Variants in VAT1L observed in about 807,000 individuals in gnomAD.
VAT1L encodes vesicle amine transport 1 like.
In VAT1L, 34 loss-of-function variants were observed where a neutral mutation model predicts 44.1. The ratio of observed to expected loss-of-function variants is 0.77; its 90% CI spans 0.59 to 1.03. The LOEUF (loss-of-function observed/expected upper bound fraction) is 1.03. Among genes scored for constraint, VAT1L ranks in the 50% least tolerant of loss-of-function variants. VAT1L has a pLI of 0.00. For synonymous variants in VAT1L, 253 were observed against 202.2 expected, an observed-to-expected ratio of 1.25 and a Z score of -2.13; for missense variants, 615 against 538.8, an observed-to-expected ratio of 1.14 and a Z score of -1.40.
At chr16:77,813,095 T>G (rs1217326349) in intron 1 of VAT1L, among the ~76,000 whole-genome samples, 1 of 152,040 alleles carries the variant, frequency 6.6e-6, no homozygotes, top group Admixed American at 6.6e-5. Flanking sequence ...AGAATCAGAT[T>G]ACCTTAGAGA....
chr16:77,923,214 G>A (rs1049137364), intron 7 of VAT1L, among the ~76,000 whole-genome samples: 3 of 152,188 alleles, frequency 2.0e-5, no homozygotes, highest in African/African-American at 7.2e-5. Context: ...ATATTGAGAG[G>A]CCAAGGTGGG....
intron 3 of VAT1L, among the ~76,000 whole-genome samples, chr16:77,830,728 G>A (rs2016569892): frequency 6.6e-6 from 1 of 152,166 alleles, no homozygotes; most frequent in South Asian, 2.1e-4. Flanking sequence ...CACTCTCTCA[G>A]GCTGGAGGGC....
At chr16:77,902,968 G>A (rs1316780477) in intron 7 of VAT1L, among the ~76,000 whole-genome samples, 3 of 99,688 alleles carry the variant, frequency 3.0e-5, no homozygotes, top group Admixed American at 1.1e-4. Context: ...GGGAGACTCT[G>A]TCTGAAAAAA....
intron 7 of VAT1L, among the ~76,000 whole-genome samples, chr16:77,904,742 A>G (rs1195137203): frequency 6.6e-6 from 1 of 152,266 alleles, no homozygotes; most frequent in Non-Finnish European, 1.5e-5. Flanking sequence ...TCTAACTAAT[A>G]TAAGAACTTT....
At chr16:77,935,885 T>G (rs1381961355) in intron 7 of VAT1L, among the ~76,000 whole-genome samples, 1 of 152,196 alleles carries the variant, frequency 6.6e-6, no homozygotes, top group Non-Finnish European at 1.5e-5. Flanking sequence ...TATTGGGAAT[T>G]CTGGTGTGAT....
chr16:77,852,058 G>C (rs1275885727), intron 3 of VAT1L, among the ~76,000 whole-genome samples: 1 of 152,070 alleles, frequency 6.6e-6, no homozygotes, highest in Non-Finnish European at 1.5e-5. Context: ...TGAAAGCGGG[G>C]ATCTCCCACA....
At chr16:77,944,957 C>A (rs75386632) in intron 7 of VAT1L, among the ~76,000 whole-genome samples, 10 of 152,302 alleles carry the variant, frequency 6.6e-5, no homozygotes, top group African/African-American at 2.4e-4. Flanking sequence ...TCCAAGCTGT[C>A]TTCATCCATG....
intron 7 of VAT1L, among the ~76,000 whole-genome samples, chr16:77,951,840 T>TAAA (rs11415182): frequency 1.4e-5 from 2 of 146,034 alleles, no homozygotes; most frequent in African/African-American, 5.1e-5. Context: ...AGTTTAAAAT[T>TAAA]AAAAAAAAAA....
intron 3 of VAT1L, among the ~76,000 whole-genome samples, chr16:77,850,926 A>C (rs939981515): frequency 6.6e-6 from 1 of 152,158 alleles, no homozygotes; most frequent in African/African-American, 2.4e-5. Flanking sequence ...ACTCTCAAAC[A>C]GTGTGTCAGT....
At chr16:77,807,741 A>C (rs2016189327) in intron 1 of VAT1L, among the ~76,000 whole-genome samples, 1 of 152,104 alleles carries the variant, frequency 6.6e-6, no homozygotes, top group Non-Finnish European at 1.5e-5. Context: ...TCTGTTTTAC[A>C]TATACTGTCA....
chr16:77,794,530 G>A (rs2015893401), intron 1 of VAT1L, among the ~76,000 whole-genome samples: 1 of 152,208 alleles, frequency 6.6e-6, no homozygotes, highest in African/African-American at 2.4e-5. Flanking sequence ...GGCAAACCAA[G>A]TATAAGTTAT....
chr16:77,890,775 T>C (rs1230678844), intron 7 of VAT1L, among the ~76,000 whole-genome samples: 2 of 151,714 alleles, frequency 1.3e-5, no homozygotes, highest in Non-Finnish European at 1.5e-5. Context: ...CTACAAAATA[T>C]TAGCCAGGCG....
At chr16:77,806,771 A>G (rs894718424) in intron 1 of VAT1L, among the ~76,000 whole-genome samples, 1 of 152,172 alleles carries the variant, frequency 6.6e-6, no homozygotes, top group African/African-American at 2.4e-5. Flanking sequence ...CTTTATTTTA[A>G]CATATCTTAG....
intron 1 of VAT1L, among the ~76,000 whole-genome samples, chr16:77,812,373 G>A (rs1053215246): frequency 6.6e-6 from 1 of 152,028 alleles, no homozygotes; most frequent in African/African-American, 2.4e-5. Context: ...ATGCCCTGCC[G>A]TTCCCGAATC....
intron 4 of VAT1L, among the ~76,000 whole-genome samples, chr16:77,865,672 G>A (rs1174563423): frequency 2.0e-5 from 3 of 152,192 alleles, no homozygotes; most frequent in Non-Finnish European, 2.9e-5. Flanking sequence ...TTTTGGCTGA[G>A]AATTGAGGGA....
intron 3 of VAT1L, among the ~76,000 whole-genome samples, chr16:77,840,295 A>G (rs1597061135): frequency 6.6e-6 from 1 of 152,304 alleles, no homozygotes; most frequent in Non-Finnish European, 1.5e-5. Flanking sequence ...TAGTCAGGGA[A>G]GTTCTCATAA....
rs185219228 is a variant in VAT1L at position 77,902,655 on chromosome 16, T to C, written c.1077+17853T>C. On this transcript the variant is annotated intron_variant, in intron 7 of 8. Transcript: ENST00000302536. ...AAAAGAAAATAGATCAATCAATCAA[T>C]CAATCAATGGAATAAAAAGGCCGAG... Among the ~76,000 whole-genome samples the C allele has an allele frequency of 5.8e-4, 80 of 138,880 alleles. 1 individual carries two copies. Among genetic ancestry groups the C allele is most frequent in the Middle Eastern group, 9.3e-3 (2 of 214 alleles). The allele number at this position is 138,880 out of a possible 152,430, so 91.1% of individuals were successfully genotyped here. A position where few individuals can be genotyped will look rare whatever the true frequency, so the allele number is the denominator to read the frequency against.
At chr16:77,856,547 A>T (rs1015589522) in intron 3 of VAT1L, among the ~76,000 whole-genome samples, 1 of 152,210 alleles carries the variant, frequency 6.6e-6, no homozygotes, top group African/African-American at 2.4e-5. Context: ...ATTCGTTTAC[A>T]TGCTGGAATA....
intron 7 of VAT1L, among the ~76,000 whole-genome samples, chr16:77,914,753 G>A (rs1345420651): frequency 6.6e-6 from 1 of 152,192 alleles, no homozygotes; most frequent in Non-Finnish European, 1.5e-5. Flanking sequence ...AATGAAATTT[G>A]TATGATGGTA....
Sources: gnomAD v4.1 joint callset for allele counts (sites outside exome capture counted in the v4.1 genomes callset) on GRCh38, gnomAD v4.1.1 for gene constraint, MANE v1.5 for transcripts, NCBI Gene and HGNC (gene_info 2026-07-23, HGNC 2026-07-21) for gene names.